Variants in CNTN5 observed in about 807,000 individuals in gnomAD.
CNTN5 encodes contactin-5.
CNTN5 carries 77 observed loss-of-function variants against 129.1 expected under a neutral mutation model. That is an observed-to-expected ratio of 0.60 (90% CI 0.50 to 0.72). The LOEUF (loss-of-function observed/expected upper bound fraction) is 0.72. Among genes scored for constraint, CNTN5 ranks in the 30% least tolerant of loss-of-function variants. The pLI is 0.00. For synonymous variants in CNTN5, 509 were observed against 465.6 expected, an observed-to-expected ratio of 1.09 and a Z score of -1.20; for missense variants, 1,478 against 1,328.8, an observed-to-expected ratio of 1.11 and a Z score of -1.75.
At chr11:99,793,572 C>T (rs1225020398) in intron 3 of CNTN5, among the ~76,000 whole-genome samples, 1 of 152,096 alleles carries the variant, frequency 6.6e-6, no homozygotes, top group Non-Finnish European at 1.5e-5. Context: ...TTATAAGCTT[C>T]CCTCTTAACA....
At chr11:100,043,728 A>G (rs910232751) in intron 9 of CNTN5, among the ~76,000 whole-genome samples, 1 of 152,046 alleles carries the variant, frequency 6.6e-6, no homozygotes, top group Non-Finnish European at 1.5e-5. Context: ...CTCACATGTC[A>G]TCTTTTCTGG....
intron 1 of CNTN5, among the ~76,000 whole-genome samples, chr11:99,104,548 CAA>C (rs971680983): frequency 6.6e-6 from 1 of 150,960 alleles, no homozygotes; most frequent in Non-Finnish European, 1.5e-5. Flanking sequence ...GTTCTCACTA[CAA>C]AAAAAATAAG....
chr11:99,916,232 G>A, intron 7 of CNTN5, 83 bp downstream of exon 7: 3 of 1,028,046 alleles, frequency 2.9e-6, no homozygotes, highest in Non-Finnish European at 4.4e-6. Context: ...ATTGATGGGA[G>A]AACATTTCAG....
At chr11:99,983,618 G>A (rs2137372133) in intron 8 of CNTN5, among the ~76,000 whole-genome samples, 1 of 152,322 alleles carries the variant, frequency 6.6e-6, no homozygotes, top group East Asian at 1.9e-4. Context: ...TTAAAGGGTT[G>A]ATCTAGAGCC....
intron 18 of CNTN5, among the ~76,000 whole-genome samples, chr11:100,279,484 C>T (rs906471974): frequency 6.6e-6 from 1 of 151,524 alleles, no homozygotes; most frequent in Non-Finnish European, 1.5e-5. Context: ...ATTACAGCTT[C>T]AATCACACAT....
chr11:99,038,811 A>G (rs1476533018), intron 1 of CNTN5, among the ~76,000 whole-genome samples: 1 of 151,932 alleles, frequency 6.6e-6, no homozygotes. Context: ...CTTTCATTAT[A>G]AAATGTAAGA....
At chr11:99,560,303 A>ATTATTG (rs1299722669) in intron 3 of CNTN5, among the ~76,000 whole-genome samples, 3 of 146,296 alleles carry the variant, frequency 2.1e-5, no homozygotes, top group Non-Finnish European at 4.5e-5. Context: ...TATTATTATT[A>ATTATTG]TTATTTTGAG....
chr11:100,317,456 A>G (rs1951593311), intron 21 of CNTN5, among the ~76,000 whole-genome samples: 1 of 152,220 alleles, frequency 6.6e-6, no homozygotes, highest in Non-Finnish European at 1.5e-5. Context: ...TTAATACTAC[A>G]TTAAAGTAAG....
intron 6 of CNTN5, among the ~76,000 whole-genome samples, chr11:99,886,616 A>C (rs1014721115): frequency 2.0e-5 from 3 of 152,174 alleles, no homozygotes; most frequent in Admixed American, 6.6e-5. Context: ...GAGACATATA[A>C]AAGACTGTTC....
intron 6 of CNTN5, among the ~76,000 whole-genome samples, chr11:99,889,569 C>G (rs373616537): frequency 7.5e-6 from 1 of 133,078 alleles, no homozygotes; most frequent in Non-Finnish European, 1.6e-5. Context: ...GAGTTTCACT[C>G]TTGTTGCCCA....
chr11:99,078,837 TA>T (rs1186162659), intron 1 of CNTN5, among the ~76,000 whole-genome samples: 14 of 151,922 alleles, frequency 9.2e-5, no homozygotes, highest in Non-Finnish European at 4.4e-5. Flanking sequence ...GGTTAGTGGA[TA>T]TAAAAATATA....
At chr11:100,141,441 C>T (rs1349161356) in intron 13 of CNTN5, among the ~76,000 whole-genome samples, 1 of 152,118 alleles carries the variant, frequency 6.6e-6, no homozygotes, top group African/African-American at 2.4e-5. Context: ...CAATCCTGAG[C>T]ACAGGGGTGT....
At chr11:99,146,243 A>G (rs1475145485) in intron 1 of CNTN5, among the ~76,000 whole-genome samples, 3 of 152,166 alleles carry the variant, frequency 2.0e-5, no homozygotes, top group Non-Finnish European at 4.4e-5. Flanking sequence ...ATTCTGGGAA[A>G]CGCAAAAGTG....
chr11:99,640,852 T>C (rs1206908040), intron 3 of CNTN5, among the ~76,000 whole-genome samples: 1 of 152,198 alleles, frequency 6.6e-6, no homozygotes. Context: ...AATGCATGAA[T>C]GTATTTTTAA....
intron 16 of CNTN5, among the ~76,000 whole-genome samples, chr11:100,241,170 G>C (rs1318550636): frequency 6.6e-6 from 1 of 152,128 alleles, no homozygotes; most frequent in African/African-American, 2.4e-5. Flanking sequence ...ATAGCATCTA[G>C]GTTGCGTGAA....
chr11:99,036,873 G>T (rs10501897), intron 1 of CNTN5, among the ~76,000 whole-genome samples: 36,081 of 151,920 alleles, frequency 0.24, 4,582 homozygotes, highest in East Asian at 0.33. Flanking sequence ...CTACCCATTC[G>T]CCAGTGATGT....
chr11:99,180,420 T>G (rs1421094558), intron 1 of CNTN5, among the ~76,000 whole-genome samples: 1 of 152,116 alleles, frequency 6.6e-6, no homozygotes, highest in Non-Finnish European at 1.5e-5. Context: ...CTAACTCTTT[T>G]TGTAATGAGT....
chr11:100,224,760 G>A lies in CNTN5; in HGVS notation c.1953G>A (p.Arg651=). The part of the protein sequence containing the change: ...LLMHAGRYGC[R]VQTTADSVSD... ...TGCATGCTGGGAGATATGGCTGCAGGGTACAGACCACAGCAGACAGTGTGT... is the reference window on the plus strand; with the variant it reads ...TGCATGCTGGGAGATATGGCTGCAGAGTACAGACCACAGCAGACAGTGTGT... Residue 651 remains arginine, a synonymous_variant, in exon 16 of 25, where the codon AGG becomes AGA. Transcript: ENST00000524871. 1 of 1,613,052 alleles carries A rather than the reference G, an allele frequency of 6.2e-7. No individual in the cohort carries two copies. Among genetic ancestry groups the A allele is most frequent in the Non-Finnish European group, 8.5e-7 (1 of 1,179,208 alleles).
chr11:100,258,711 G>T (rs907836135), intron 17 of CNTN5, among the ~76,000 whole-genome samples: 3 of 152,216 alleles, frequency 2.0e-5, no homozygotes, highest in Middle Eastern at 3.4e-3. Flanking sequence ...TATAAGCAAA[G>T]GAGAAGTAAA....
Sources: allele counts gnomAD v4.1 joint callset (sites outside exome capture counted in the v4.1 genomes callset), GRCh38; gene constraint gnomAD v4.1.1; transcripts MANE v1.5; gene names NCBI Gene and HGNC (gene_info 2026-07-23, HGNC 2026-07-21).